IRAG2: variants seen among roughly 807,000 people sequenced by gnomAD.
IRAG2 encodes inositol 1,4,5-triphosphate receptor associated 2.
Under a neutral mutation model 69.9 loss-of-function variants are expected in IRAG2, and 45 were observed. The observed-to-expected ratio is 0.64, with a 90% confidence interval of 0.51 to 0.83. IRAG2 has a LOEUF of 0.83. IRAG2 is among the 40% of genes least tolerant of loss of function. IRAG2 has a pLI of 0.00. For missense variants in IRAG2, 520 were observed against 587.0 expected, an observed-to-expected ratio of 0.89 and a Z score of 1.18; for synonymous variants, 193 against 202.4, an observed-to-expected ratio of 0.95 and a Z score of 0.40.
chr12:25,054,991 A>G (rs1945143274), intron 1 of IRAG2, among the ~76,000 whole-genome samples: 1 of 152,252 alleles, frequency 6.6e-6, no homozygotes, highest in African/African-American at 2.4e-5. Flanking sequence ...TGAGTCAGAC[A>G]TCTGATTCTG....
In IRAG2 at chr12:25,064,488, A is replaced by C. The variant is rs1945841952; in HGVS notation, c.-207+672A>C. ...GTGGGTCAAATTTATACTCAATGCC[A>C]AGAGAAAGAGCTTTATTCCAAGAAG... On this transcript the variant is annotated intron_variant, in intron 4 of 21. Transcript: ENST00000556887. Among the ~76,000 whole-genome samples the C allele has an allele frequency of 2.6e-5, 4 of 152,354 alleles. No homozygotes were observed. In the South Asian group the frequency reaches 6.2e-4, roughly 24 times the overall value.
At chr12:25,033,831 T>C in intron 12 of IRAG2, 1 of 398,892 alleles carries the variant, frequency 2.5e-6, no homozygotes, top group Non-Finnish European at 4.4e-6. Flanking sequence ...TAGACTATTG[T>C]TTTTGTTTTT....
At chr12:25,037,407 T>A (rs1944710088) in intron 15 of IRAG2, among the ~76,000 whole-genome samples, 1 of 152,170 alleles carries the variant, frequency 6.6e-6, no homozygotes, top group Middle Eastern at 3.2e-3. Context: ...CAAGTGATTC[T>A]CCTGCCTCAG....
chr12:25,058,401 CT>C (rs1945405530), intron 1 of IRAG2, among the ~76,000 whole-genome samples: 2 of 152,114 alleles, frequency 1.3e-5, no homozygotes, highest in South Asian at 4.1e-4. Context: ...GTGTCTAAGT[CT>C]TTCACCCATT....
At chr12:25,040,018 C>T (rs1038107368) in intron 16 of IRAG2, among the ~76,000 whole-genome samples, 5 of 152,172 alleles carry the variant, frequency 3.3e-5, no homozygotes, top group Non-Finnish European at 5.9e-5. Context: ...TGTGTCCTTT[C>T]GATGGTTGAT....
chr12:25,081,553 G>A (rs1947217150), intron 9 of IRAG2, among the ~76,000 whole-genome samples: 5 of 152,154 alleles, frequency 3.3e-5, no homozygotes, highest in Non-Finnish European at 7.3e-5. Flanking sequence ...ATAAGGGAGG[G>A]CTACTATAAT....
At position 25,063,910 on chromosome 12, in the gene IRAG2, A is replaced by G. The variant is rs1591979230; in HGVS notation, c.-207+94A>G. 12 of 398,024 alleles carry G rather than the reference A, an allele frequency of 3.0e-5. No homozygotes were observed. The East Asian group carries it at 4.3e-4, about 14-fold the overall frequency. 24.7% of individuals were successfully genotyped at this position (398,024 alleles called of 1,614,324 possible). A position where few individuals can be genotyped will look rare whatever the true frequency, so the allele number is the denominator to read the frequency against. On this transcript the variant is annotated intron_variant, in intron 4 of 21. Transcript: ENST00000556887. ...TAGTTATTATTACATTTGTATAGGA[A>G]GAATTGTTGAATACGTGTATATTTA...
At position 25,023,338 on chromosome 12, in the gene IRAG2, A is replaced by T. The variant is rs183528769; in HGVS notation, c.1333-533A>T. 1.0e-3 allele frequency among the ~76,000 whole-genome samples: 158 copies of T among 152,320 alleles called. 1 individual carries two copies. The highest frequency in any genetic ancestry group is 3.7e-3 in the African/African-American group (154 of 41,584). On this transcript the variant is annotated intron_variant, in intron 7 of 38. Coordinates refer to the IRAG2 transcript ENST00000636465. Reference sequence around the variant, plus strand: ...ATTAACAAATAAAAAGTTTTGCAAAATTCTTAACCTACCCTTGAAATTTAC... The same window carrying T: ...ATTAACAAATAAAAAGTTTTGCAAATTTCTTAACCTACCCTTGAAATTTAC...
At chr12:25,024,207 G>A (rs183082563) in intron 8 of IRAG2, among the ~76,000 whole-genome samples, 2 of 152,316 alleles carry the variant, frequency 1.3e-5, no homozygotes, top group East Asian at 3.9e-4. Flanking sequence ...AAGAAGGAAA[G>A]TATGGATGTT....
At chr12:25,026,912 C>G (rs1321708079) in intron 9 of IRAG2, 2 of 984,004 alleles carry the variant, frequency 2.0e-6, no homozygotes, top group Non-Finnish European at 2.6e-6. Flanking sequence ...TTCTGTCAAA[C>G]CAGTATTATT....
At chr12:25,008,860 T>C (rs1264692388) in intron 2 of IRAG2, among the ~76,000 whole-genome samples, 1 of 152,242 alleles carries the variant, frequency 6.6e-6, no homozygotes, top group Non-Finnish European at 1.5e-5. Flanking sequence ...TGTGAGAATG[T>C]TTTCAAACTT....
chr12:25,096,523 G>C (rs1363267000), intron 14 of IRAG2, among the ~76,000 whole-genome samples: 1 of 152,182 alleles, frequency 6.6e-6, no homozygotes, highest in East Asian at 1.9e-4. Context: ...ATTCCAATAT[G>C]TTTGGTTACG....
intron 19 of IRAG2, 51 bp downstream of exon 19, chr12:25,104,109 G>A: frequency 1.3e-6 from 2 of 1,499,510 alleles, no homozygotes; most frequent in Non-Finnish European, 1.8e-6. Flanking sequence ...TTTTATACTT[G>A]GGCTAACCTA....
intron 16 of IRAG2, among the ~76,000 whole-genome samples, chr12:25,047,082 A>T (rs774895264): frequency 6.6e-6 from 1 of 152,214 alleles, no homozygotes; most frequent in Non-Finnish European, 1.5e-5. Context: ...TAGGGAAAGG[A>T]TAATCTCTTC....
At chr12:25,044,506 A>T (rs1373959105) in intron 16 of IRAG2, among the ~76,000 whole-genome samples, 1 of 152,156 alleles carries the variant, frequency 6.6e-6, no homozygotes. Context: ...AAAAGCCCAG[A>T]TTCAACTATA....
intron 1 of IRAG2, among the ~76,000 whole-genome samples, chr12:25,059,625 A>G (rs2139952461): frequency 6.6e-6 from 1 of 152,314 alleles, no homozygotes; most frequent in South Asian, 2.1e-4. Flanking sequence ...AAATGCTGGG[A>G]TTACAGGCAT....
chr12:25,017,666 C>G (rs534358382), intron 6 of IRAG2, among the ~76,000 whole-genome samples: 35 of 151,208 alleles, frequency 2.3e-4, no homozygotes, highest in Admixed American at 2.2e-3. Flanking sequence ...TGCAGTAAGC[C>G]AAGATCGTGC....
At chr12:25,099,799 A>T (rs1284399118) in intron 15 of IRAG2, among the ~76,000 whole-genome samples, 1 of 151,990 alleles carries the variant, frequency 6.6e-6, no homozygotes, top group East Asian at 1.9e-4. Context: ...CAGGAGTTTG[A>T]GACCAGCCTG....
intron 12 of IRAG2, among the ~76,000 whole-genome samples, chr12:25,032,668 G>T (rs2139849181): frequency 6.6e-6 from 1 of 152,270 alleles, no homozygotes; most frequent in African/African-American, 2.4e-5. Flanking sequence ...TTGAGTTCTA[G>T]TGAGGGCCCT....
Sources: allele counts gnomAD v4.1 joint callset (sites outside exome capture counted in the v4.1 genomes callset), GRCh38; gene constraint gnomAD v4.1.1; transcripts MANE v1.5; gene names NCBI Gene and HGNC (gene_info 2026-07-23, HGNC 2026-07-21).